The following IST1 variants were observed in gnomAD, a reference collection of about 807,000 sequenced individuals.
The protein encoded by IST1 is IST1 factor associated with ESCRT-III, also known as IST1 homolog.
A neutral mutation model predicts 37.0 loss-of-function variants in IST1; 23 were observed. That is an observed-to-expected ratio of 0.62 (90% CI 0.45 to 0.88). The LOEUF is 0.88. Among genes scored for constraint, IST1 ranks in the 40% least tolerant of loss-of-function variants. The probability of loss-of-function intolerance (pLI) is 0.00; values close to 1 mark genes in which losing one functional copy is unlikely to be tolerated. For synonymous variants in IST1, 180 were observed against 161.7 expected (o/e 1.11, Z -0.86); for missense variants, 488 against 445.4 (o/e 1.10, Z -0.86).
intron 7 of IST1, 165 bp downstream of exon 7, chr16:71,922,845 A>T (rs2037639083): frequency 1.6e-6 from 1 of 637,926 alleles, no homozygotes; most frequent in African/African-American, 1.8e-5. Context: ...TTGGATTCAG[A>T]GAAGGTCTTC....
Position 71,915,739 on chromosome 16 carries a change from T to A in IST1, c.88+11T>A. On this transcript the variant is annotated intron_variant, in intron 2 of 9. Coordinates refer to ENST00000378799, the MANE Select transcript of IST1 (RefSeq NM_001270975.2). The stretch of plus-strand genomic sequence containing the variant: ...TGGAGAAAAAGAAAAGTGAGTAGTG[T>A]ACTTTTTTTCCCCAAAAATAAATCA... 6.4e-7 allele frequency: 1 copy of A among 1,563,604 alleles called. No homozygotes were observed. Among genetic ancestry groups the A allele is most frequent in the East Asian group, 2.2e-5 (1 of 44,626 alleles).
At chr16:71,901,869 C>A (rs2037116640) in intron 1 of IST1, among the ~76,000 whole-genome samples, 1 of 152,106 alleles carries the variant, frequency 6.6e-6, no homozygotes. Context: ...ACATACCGTT[C>A]TAGGCAGTAT....
chr16:71,908,189 G>C (rs911608540), intron 1 of IST1, among the ~76,000 whole-genome samples: 1 of 151,224 alleles, frequency 6.6e-6, no homozygotes, highest in Admixed American at 6.6e-5. Context: ...CGATCCACCC[G>C]CCTCTGCCTC....
chr16:71,894,698 C>CTTTTTTTTTTTT, upstream of IST1: 1 of 443,580 alleles, frequency 2.3e-6, no homozygotes, highest in South Asian at 2.8e-5. Context: ...TAATTTTTAA[C>CTTTTTTTTTTTT]TTTTTTTTTT....
intron 1 of IST1, among the ~76,000 whole-genome samples, chr16:71,912,981 A>G (rs1225268881): frequency 6.6e-6 from 1 of 152,104 alleles, no homozygotes; most frequent in African/African-American, 2.4e-5. Context: ...TGTAGACCAC[A>G]TTTTGTTTAT....
chr16:71,922,454 G>A lies in IST1; in HGVS notation c.553-20G>A, dbSNP rs764367148. The A allele has an allele frequency of 5.6e-6, 9 of 1,606,960 alleles. No individual in the cohort carries two copies. The highest frequency in any genetic ancestry group is 1.3e-5 in the African/African-American group (1 of 74,630). On this transcript the variant is annotated intron_variant, in intron 6 of 9. Transcript: ENST00000378799. ...GCCTTGGACATGGGTTAATGACCTG[G>A]GTTTCTCTTTTTTTCTCAGGCAGAA...
At chr16:71,921,598 C>T (rs1358685632) in intron 6 of IST1, 145 bp downstream of exon 6, 2 of 592,750 alleles carry the variant, frequency 3.4e-6, no homozygotes, top group Non-Finnish European at 6.0e-6. Context: ...ATAAATGTGC[C>T]TGCATATCTC....
intron 1 of IST1, among the ~76,000 whole-genome samples, chr16:71,900,468 A>G (rs1394518692): frequency 6.6e-6 from 1 of 151,796 alleles, no homozygotes; most frequent in Non-Finnish European, 1.5e-5. Flanking sequence ...CCTAAGAGGA[A>G]GGACTCAGTC....
intron 6 of IST1, among the ~76,000 whole-genome samples, chr16:71,922,239 T>G (rs1371387955): frequency 6.6e-6 from 1 of 152,194 alleles, no homozygotes; most frequent in Non-Finnish European, 1.5e-5. Context: ...GGAAACACCA[T>G]CAGGTCCATT....
intron 1 of IST1, among the ~76,000 whole-genome samples, chr16:71,897,210 G>T (rs2036993643): frequency 6.7e-6 from 1 of 149,238 alleles, no homozygotes; most frequent in Admixed American, 6.7e-5. Context: ...GTCGGGAGGG[G>T]AGAGTTTCTT....
At chr16:71,904,545 C>T (rs1401545394) in intron 1 of IST1, among the ~76,000 whole-genome samples, 3 of 152,184 alleles carry the variant, frequency 2.0e-5, no homozygotes, top group Admixed American at 6.5e-5. Context: ...CCCCGAGTAG[C>T]TGGGACTACA....
chr16:71,899,933 G>A (rs2142522951), intron 1 of IST1, among the ~76,000 whole-genome samples: 2 of 149,608 alleles, frequency 1.3e-5, no homozygotes, highest in Middle Eastern at 7.0e-3. Context: ...TGAGGCAGAG[G>A]TAGTAGTGAG....
chr16:71,905,906 CAGA>C (rs146636733), intron 1 of IST1, among the ~76,000 whole-genome samples: 1 of 152,182 alleles, frequency 6.6e-6, no homozygotes, highest in East Asian at 1.9e-4. Flanking sequence ...CCATCTGTAA[CAGA>C]TATTCGCCGT....
intron 6 of IST1, chr16:71,921,692 G>C: frequency 2.4e-6 from 1 of 419,492 alleles, no homozygotes. Context: ...CACTATTATT[G>C]CTACTTTTTG....
intron 1 of IST1, among the ~76,000 whole-genome samples, chr16:71,901,505 G>A (rs1236001094): frequency 2.6e-5 from 4 of 152,142 alleles, no homozygotes; most frequent in South Asian, 2.1e-4. Flanking sequence ...GAGCCACCGC[G>A]CCCTGCGTAG....
At chr16:71,927,588 A>G (rs780734414) in intron 9 of IST1, 26 bp from the exon 10 acceptor site, 46 of 1,535,092 alleles carry the variant, frequency 3.0e-5, no homozygotes, top group Non-Finnish European at 3.8e-5. Flanking sequence ...TGGTATTTGT[A>G]ACGTTGTGCT....
rs2037868699 is a variant in IST1, at chr16:71,929,922, C to CT, written c.*2113dup. The CT allele has an allele frequency of 8.3e-7, 1 of 1,198,444 alleles. No individual in the cohort carries two copies. Among genetic ancestry groups the CT allele is most frequent in the African/African-American group, 1.6e-5 (1 of 64,228 alleles). The allele number at this position is 1,198,444 out of a possible 1,614,324, so 74.2% of individuals were successfully genotyped here. On this transcript the variant is annotated 3_prime_UTR_variant, in exon 10 of 10. Coordinates refer to ENST00000378799, the MANE Select transcript of IST1 (RefSeq NM_001270975.2). ...TTTCCTAGGAAGATAGCTGGCAGAGCTTTTGAAACTAATAAAGGGAATATG... is the reference window on the plus strand; with the variant it reads ...TTTCCTAGGAAGATAGCTGGCAGAGCTTTTTGAAACTAATAAAGGGAATATG...
intron 9 of IST1, 43 bp from the exon 10 acceptor site, chr16:71,927,571 A>T (rs765476217): frequency 5.9e-5 from 80 of 1,353,066 alleles, no homozygotes; most frequent in Non-Finnish European, 1.6e-5. Context: ...GATCTGAGTC[A>T]TTTCTCTGGT....
rs2037653904 is a variant in IST1 at position 71,923,316 on chromosome 16, C to G, written c.788C>G (p.Thr263Ser). Residue 263 changes from threonine (T) to serine (S), a missense_variant, in exon 8 of 10, where the codon ACT becomes AGT. Transcript: ENST00000378799. ...PSDFNGLPMGTYQAFPNIHPP... is the reference protein window; with the variant it reads ...PSDFNGLPMGSYQAFPNIHPP... Reference sequence around the variant, plus strand: ...GATTTCAATGGACTGCCAATGGGGACTTATCAGGCCTTTCCCAATATTCAT... The same window carrying G: ...GATTTCAATGGACTGCCAATGGGGAGTTATCAGGCCTTTCCCAATATTCAT... 1 of 1,611,656 alleles carries G rather than the reference C, an allele frequency of 6.2e-7. No homozygotes were observed. The highest frequency in any genetic ancestry group is 8.5e-7 in the Non-Finnish European group (1 of 1,178,142).
Sources: gnomAD v4.1 joint callset for allele counts (sites outside exome capture counted in the v4.1 genomes callset) on GRCh38, gnomAD v4.1.1 for gene constraint, MANE v1.5 for transcripts, NCBI Gene and HGNC (gene_info 2026-07-23, HGNC 2026-07-21) for gene names.